TGFBR3: variants seen among roughly 807,000 people sequenced by gnomAD.
The protein encoded by TGFBR3 is transforming growth factor beta receptor 3.
TGFBR3 carries 46 observed loss-of-function variants against 87.9 expected under a neutral mutation model. The ratio of observed to expected loss-of-function variants is 0.52; its 90% CI spans 0.41 to 0.67. TGFBR3 has a LOEUF of 0.67. Ranked by LOEUF, TGFBR3 falls within the 30% of genes least tolerant of loss-of-function variation. The probability of loss-of-function intolerance (pLI) is 0.00; values close to 1 mark genes in which losing one functional copy is unlikely to be tolerated. For synonymous variants in TGFBR3, 381 were observed against 391.6 expected (o/e 0.97, Z 0.32); for missense variants, 866 against 1,041.9 (o/e 0.83, Z 2.32).
chr1:91,894,044 T>A (rs112755536), intron 2 of TGFBR3, among the ~76,000 whole-genome samples: 301 of 152,184 alleles, frequency 2.0e-3, no homozygotes, highest in African/African-American at 7.1e-3. Context: ...TCTTCTCAAG[T>A]CTTCAATACC....
intron 4 of TGFBR3, among the ~76,000 whole-genome samples, chr1:91,745,017 TAC>T (rs34081815): frequency 0.99 from 149,466 of 151,642 alleles, 73,665 homozygotes; most frequent in Middle Eastern, 1. Context: ...AACGCACGCG[TAC>T]ACACACACAC....
Position 91,689,402 on chromosome 1 carries a change from G to A in TGFBR3, c.2438-5545C>T, listed in dbSNP as rs148370416. ...TCCTCTGAATATATGGGAACTCCAC[G>A]ACAGCAAGGACTTTCTGTTGCTCAT... On this transcript the variant is annotated intron_variant, in intron 16 of 16. Coordinates refer to ENST00000212355, the MANE Select transcript of TGFBR3 (RefSeq NM_003243.5). Among the ~76,000 whole-genome samples the A allele has an allele frequency of 4.6e-5, 7 of 152,236 alleles. No individual in the cohort carries two copies. In the East Asian group the frequency reaches 9.7e-4, roughly 21 times the overall value.
At chr1:91,721,929 C>T in intron 8 of TGFBR3, 26 bp downstream of exon 8, 1 of 1,606,182 alleles carries the variant, frequency 6.2e-7, no homozygotes, top group African/African-American at 1.3e-5. Context: ...GTATTTTTTA[C>T]ATAACTTAAA....
In TGFBR3 at chr1:91,710,376, C is replaced by T. The variant is rs184352274; in HGVS notation, c.2167-1593G>A. On this transcript the variant is annotated intron_variant, in intron 13 of 16. Transcript: ENST00000212355. ...ACTGAAAAGAGTTGCATTTTGCTTT[C>T]CTGTTTTAGTTTACTGTTACTTTCC... Among the ~76,000 whole-genome samples, 10 of 152,240 alleles carry T rather than the reference C, an allele frequency of 6.6e-5. No homozygotes were observed. The East Asian group carries it at 1.9e-3, about 29-fold the overall frequency.
chr1:91,901,548 T>A lies in TGFBR3; in HGVS notation c.-174-1851A>T, dbSNP rs930101569. On this transcript the variant is annotated intron_variant, in intron 1 of 17. Transcript: ENST00000370399. Reference sequence around the variant, plus strand: ...TCATATTACAAATGTTATTGTATACTATTATATATTATAACATGTTTAAAG... The same window carrying A: ...TCATATTACAAATGTTATTGTATACAATTATATATTATAACATGTTTAAAG... Among the ~76,000 whole-genome samples, 3 of 152,210 alleles carry A rather than the reference T, an allele frequency of 2.0e-5. No individual in the cohort carries two copies. In the East Asian group the frequency reaches 5.8e-4, roughly 29 times the overall value.
At chr1:91,691,549 A>T (rs1571410585) in intron 16 of TGFBR3, among the ~76,000 whole-genome samples, 1 of 152,222 alleles carries the variant, frequency 6.6e-6, no homozygotes, top group East Asian at 1.9e-4. Flanking sequence ...TTTCTGTTAA[A>T]TGAGGATATT....
intron 7 of TGFBR3, among the ~76,000 whole-genome samples, chr1:91,726,111 T>G (rs548808302): frequency 2.0e-5 from 3 of 152,210 alleles, no homozygotes. Flanking sequence ...TGCACTGGGA[T>G]GAGCAATCTC....
At chr1:91,694,993 G>C (rs926805664) in intron 16 of TGFBR3, among the ~76,000 whole-genome samples, 4 of 152,174 alleles carry the variant, frequency 2.6e-5, no homozygotes, top group Non-Finnish European at 5.9e-5. Context: ...ATTGGGGTCA[G>C]AACAGGTTCT....
rs1472303378 is a variant in TGFBR3 at position 91,695,656 on chromosome 1, C to T, written c.2437+16G>A. The T allele has an allele frequency of 6.2e-7, 1 of 1,603,270 alleles. No individual in the cohort carries two copies. On this transcript the variant is annotated intron_variant, in intron 16 of 16. Coordinates refer to ENST00000212355, the MANE Select transcript of TGFBR3 (RefSeq NM_003243.5). The stretch of plus-strand genomic sequence containing the variant: ...CACAAGCTGTTCACCAACTCTTACT[C>T]AACAGTCACACTAACCTGTGTGAGA...
intron 3 of TGFBR3, among the ~76,000 whole-genome samples, chr1:91,785,955 G>A (rs553035829): frequency 2.0e-4 from 31 of 151,914 alleles, no homozygotes; most frequent in African/African-American, 7.0e-4. Flanking sequence ...ATAGAAACAG[G>A]GTTTTGCCAT....
At chr1:91,691,849 G>A (rs754779304) in intron 16 of TGFBR3, among the ~76,000 whole-genome samples, 2 of 152,114 alleles carry the variant, frequency 1.3e-5, no homozygotes, top group Non-Finnish European at 2.9e-5. Flanking sequence ...CAGCTGGCAG[G>A]GTCAGCAGAA....
At chr1:91,903,479 T>C (rs1679777274) in intron 1 of TGFBR3, among the ~76,000 whole-genome samples, 1 of 151,800 alleles carries the variant, frequency 6.6e-6, no homozygotes, top group Non-Finnish European at 1.5e-5. Flanking sequence ...GTGTATTGGC[T>C]CACACCTATA....
At chr1:91,850,080 C>CAAA (rs376631972) in intron 2 of TGFBR3, among the ~76,000 whole-genome samples, 53 of 52,094 alleles carry the variant, frequency 1.0e-3, no homozygotes, top group African/African-American at 1.9e-3. Flanking sequence ...GACTCCATCT[C>CAAA]AAAAAAAAAA....
chr1:91,878,062 A>T (rs191269354), intron 1 of TGFBR3, among the ~76,000 whole-genome samples: 1 of 152,366 alleles, frequency 6.6e-6, no homozygotes, highest in Non-Finnish European at 1.5e-5. Context: ...AGTTAAATTT[A>T]ATTTGCCAGC....
intron 2 of TGFBR3, among the ~76,000 whole-genome samples, chr1:91,855,801 C>A (rs1479670879): frequency 6.6e-6 from 1 of 152,110 alleles, no homozygotes; most frequent in Non-Finnish European, 1.5e-5. Context: ...ACTTTTCTTA[C>A]ATTAGGTAGC....
At chr1:91,790,160 G>A (rs1244014850) in intron 3 of TGFBR3, among the ~76,000 whole-genome samples, 1 of 152,042 alleles carries the variant, frequency 6.6e-6, no homozygotes, top group Non-Finnish European at 1.5e-5. Flanking sequence ...AATCAACAAG[G>A]GACCACATAT....
chr1:91,786,664 T>C (rs1190789903), intron 3 of TGFBR3, among the ~76,000 whole-genome samples: 5 of 150,692 alleles, frequency 3.3e-5, no homozygotes, highest in African/African-American at 7.3e-5. Context: ...GGCAGGAGAA[T>C]TGCTTGAACT....
chr1:91,771,592 G>A (rs1243605591), intron 3 of TGFBR3, among the ~76,000 whole-genome samples: 1 of 151,648 alleles, frequency 6.6e-6, no homozygotes, highest in East Asian at 2.0e-4. Context: ...TGTAGTCCCA[G>A]CTACTCAGGA....
At chr1:91,774,657 T>C (rs566098335) in intron 3 of TGFBR3, among the ~76,000 whole-genome samples, 12 of 152,336 alleles carry the variant, frequency 7.9e-5, no homozygotes, top group African/African-American at 2.6e-4. Flanking sequence ...ACATCACTAG[T>C]CTGAGAACAA....
Sources: gnomAD v4.1 joint callset for allele counts (sites outside exome capture counted in the v4.1 genomes callset) on GRCh38, gnomAD v4.1.1 for gene constraint, MANE v1.5 for transcripts, NCBI Gene and HGNC (gene_info 2026-07-23, HGNC 2026-07-21) for gene names.